Variants in MUC4 observed in about 807,000 individuals in gnomAD.
MUC4 encodes the protein mucin-4.
In MUC4, 202 loss-of-function variants were observed where a neutral mutation model predicts 257.9. That is an observed-to-expected ratio of 0.78 (90% CI 0.70 to 0.88). MUC4 has a LOEUF of 0.88. Ranked by LOEUF, MUC4 falls within the 40% of genes least tolerant of loss-of-function variation. The pLI is 0.00. For synonymous variants in MUC4, 2,351 were observed against 2,757.1 expected (o/e 0.85, Z 4.62); for missense variants, 5,976 against 6,513.7 (o/e 0.92, Z 2.84).
In MUC4 at chr3:195,782,907, T is replaced by C; in HGVS notation, c.8673A>G (p.Thr2891=). The change falls in exon 2 of 25, where the codon ACA becomes ACG. Residue 2891 remains threonine (T), a synonymous_variant. Coordinates refer to ENST00000463781, the MANE Select transcript of MUC4 (RefSeq NM_018406.7). ...TGAGAGGAAGAGGGGTAGCGTGACC[T>C]GTGGACACTGAGGAAGCGTCGGTGA... ...LPVTDASSVS[T]GHATPLPLTS... 2 of 1,515,184 alleles carry C rather than the reference T, an allele frequency of 1.3e-6. No homozygotes were observed. Among genetic ancestry groups the C allele is most frequent in the Non-Finnish European group, 1.8e-6 (2 of 1,124,312 alleles). The allele number at this position is 1,515,184 out of a possible 1,614,324, so 93.9% of individuals were successfully genotyped here.
chr3:195,800,277 C>CAA (rs796281453), intron 1 of MUC4, among the ~76,000 whole-genome samples: 33 of 141,132 alleles, frequency 2.3e-4, no homozygotes, highest in African/African-American at 8.0e-4. Flanking sequence ...GACTCCATCT[C>CAA]AAAAAAAAAA....
At chr3:195,793,777 T>C (rs1734183069) in intron 1 of MUC4, among the ~76,000 whole-genome samples, 1 of 152,222 alleles carries the variant, frequency 6.6e-6, no homozygotes, top group Non-Finnish European at 1.5e-5. Flanking sequence ...ACTTGAATTA[T>C]AGCATTATCT....
At chr3:195,767,688 C>CAT (rs1195814130) in intron 7 of MUC4, among the ~76,000 whole-genome samples, 13 of 2,314 alleles carry the variant, frequency 5.6e-3, no homozygotes, top group Non-Finnish European at 0.01. Flanking sequence ...CCATCACTGG[C>CAT]CACCCCCCAA....
In MUC4 at chr3:195,780,188, T is replaced by C. The variant is rs76367261; in HGVS notation, c.11392A>G (p.Thr3798Ala). The C allele has an allele frequency of 2.4e-4, 334 of 1,412,766 alleles. 2 individuals are homozygous for C. Among genetic ancestry groups the C allele is most frequent in the East Asian group, 1.6e-3 (60 of 37,754 alleles). The allele number at this position is 1,412,766 out of a possible 1,614,324, so 87.5% of individuals were successfully genotyped here. A position where few individuals can be genotyped will look rare whatever the true frequency, so the allele number is the denominator to read the frequency against. The change falls in exon 2 of 25, where the codon ACT becomes GCT. Residue 3798 changes from threonine to alanine, a missense_variant. Coordinates refer to ENST00000463781, the MANE Select transcript of MUC4 (RefSeq NM_018406.7). The part of the protein sequence containing the change: ...GDTTPLPVTD[T>A]SSASTGQATP... ...GCCTGACCTGTGGATGCTGAGGAAG[T>C]GTCGGTGACAGGAAGAGGGGTGGTG...
In MUC4 at chr3:195,788,790, G is replaced by T. The variant is rs767831766; in HGVS notation, c.2790C>A (p.Asp930Glu). 1 of 1,613,934 alleles carries T rather than the reference G, an allele frequency of 6.2e-7. No homozygotes were observed. Residue 930 changes from aspartate (D) to glutamate (E), a missense_variant, in exon 2 of 25, where the codon GAC (aspartate) becomes GAA (glutamate). Coordinates refer to ENST00000463781, the MANE Select transcript of MUC4 (RefSeq NM_018406.7). ...DTISLASQAT[D>E]TFSTVPPTPP... ...GTGTGGGTGGGACTGTTGAGAAGGT[G>T]TCGGTTGCCTGGGACGCCAGGCTGA...
chr3:195,765,363 G>T lies in MUC4; in HGVS notation c.13705C>A (p.Pro4569Thr), dbSNP rs1262669415. ...TTCCAGCCCCAGCTGGGCCACCGAG[G>T]CTGGCTCTTCAGCCACTGCAGGCAC... is the stretch of plus-strand genomic sequence containing the variant. ...LECLQWLKSQ[P>T]RWPSWGWNQV... The change falls in exon 9 of 25, where the codon CCT becomes ACT. Residue 4569 changes from proline (P) to threonine (T), a missense_variant. By Grantham distance (38) the Pro-to-Thr change is conservative. Around this residue, in one of 44 missense-constraint regions of MUC4, gnomAD observed 996 missense variants for 1,137.3 expected, o/e 0.88. Transcript: ENST00000463781. 3.1e-6 allele frequency: 5 copies of T among 1,613,534 alleles called. No homozygotes were observed. Among genetic ancestry groups the T allele is most frequent in the African/African-American group, 1.3e-5 (1 of 74,928 alleles).
Position 195,786,206 on chromosome 3 carries a change from G to C in MUC4, c.5374C>G (p.Arg1792Gly). ...LSSASTDDTT[R>G]LPVTDVSSAS... ...GAGGAAACGTCGGTGACAGGAAGAC[G>C]GGTGGTGTCATCTGTGGAAGCTGAA... The change falls in exon 2 of 25, where the codon CGT becomes GGT. Residue 1792 changes from arginine to glycine, a missense_variant. This residue lies in a region of MUC4 where 19 missense variants were observed against 31.6 expected (regional missense o/e 0.60). Transcript: ENST00000463781. The C allele has an allele frequency of 6.8e-7, 1 of 1,480,186 alleles. No individual in the cohort carries two copies. The allele number at this position is 1,480,186 out of a possible 1,614,324, so 91.7% of individuals were successfully genotyped here. A position where few individuals can be genotyped will look rare whatever the true frequency, so the allele number is the denominator to read the frequency against.
intron 16 of MUC4, among the ~76,000 whole-genome samples, chr3:195,760,569 G>GTGGA (rs1718628746): frequency 3.5e-5 from 1 of 28,934 alleles, no homozygotes; most frequent in African/African-American, 8.4e-5. Flanking sequence ...ATGGAGTGGA[G>GTGGA]GGGGCTGGGA....
In MUC4 at chr3:195,776,486, GCATCCATACCTTCCA is replaced by G. The variant is rs1560286746; in HGVS notation, c.12943+1802_12943+1816del. Among the ~76,000 whole-genome samples the G allele has an allele frequency of 2.0e-3, 14 of 7,030 alleles. 1 individual carries two copies. The highest frequency in any genetic ancestry group is 2.5e-3 in the Non-Finnish European group (11 of 4,480). 4.6% of individuals were successfully genotyped at this position (7,030 alleles called of 152,430 possible). ...CATACCTTCCACACCCATACCTTCC[GCATCCATACCTTCCA>G]CACCCATACCTTCCACACCCATACC... On this transcript the variant is annotated intron_variant, in intron 3 of 24. Coordinates refer to ENST00000463781, the MANE Select transcript of MUC4 (RefSeq NM_018406.7).
Position 195,747,284 on chromosome 3 carries a change from C to G in MUC4, c.16131G>C (p.Leu5377=). 1 of 1,614,234 alleles carries G rather than the reference C, an allele frequency of 6.2e-7. No homozygotes were observed. The highest frequency in any genetic ancestry group is 8.5e-7 in the Non-Finnish European group (1 of 1,180,020). ...DAFFGIFFGA[L]GGLLLLGVGT... Reference sequence around the variant, plus strand: ...CGACCCCCAGCAGCAAGAGGCCGCCCAGGGCCCCAAAGAAGATGCCGAAGA... The same window carrying G: ...CGACCCCCAGCAGCAAGAGGCCGCCGAGGGCCCCAAAGAAGATGCCGAAGA... The change falls in exon 25 of 25, where the codon CTG becomes CTC. Residue 5377 remains leucine (L), a synonymous_variant. Coordinates refer to ENST00000463781, the MANE Select transcript of MUC4 (RefSeq NM_018406.7).
chr3:195,753,325 C>G, intron 19 of MUC4, 95 bp from the exon 20 acceptor site: 1 of 1,315,534 alleles, frequency 7.6e-7, no homozygotes, highest in Non-Finnish European at 1.1e-6. Flanking sequence ...CTTGCTTTCC[C>G]CCAGTGTTCC....
chr3:195,761,716 C>CA, intron 14 of MUC4, 131 bp from the exon 15 acceptor site: 1 of 707,050 alleles, frequency 1.4e-6, no homozygotes, highest in Non-Finnish European at 2.4e-6. Context: ...GTCAGGCCTC[C>CA]AGGGGAGCCG....
In MUC4 at chr3:195,779,306, C is replaced by T. The variant is rs1447818586; in HGVS notation, c.12274G>A (p.Gly4092Ser). 1.7e-4 allele frequency: 202 copies of T among 1,159,608 alleles called. 50 individuals carry two copies. The highest frequency in any genetic ancestry group is 6.1e-4 in the South Asian group (44 of 71,888). The allele number at this position is 1,159,608 out of a possible 1,614,324, so 71.8% of individuals were successfully genotyped here. Residue 4092 changes from glycine to serine, a missense_variant, in exon 2 of 25, where the codon GGT (glycine) becomes AGT (serine). Gly to Ser is a moderately conservative substitution (Grantham distance 56). Coordinates refer to ENST00000463781, the MANE Select transcript of MUC4 (RefSeq NM_018406.7). ...GTGAGAGGAAGAGGGGTGGCGTGAC[C>T]GGTGGATGCTGAGGAAGCATCGGTG... ...PVTDASSASTGHATPLPLTSL... is the reference protein window; with the variant it reads ...PVTDASSASTSHATPLPLTSL...
chr3:195,759,474 C>A (rs1332618400), intron 16 of MUC4, among the ~76,000 whole-genome samples: 1 of 152,010 alleles, frequency 6.6e-6, no homozygotes, highest in Non-Finnish European at 1.5e-5. Flanking sequence ...CTCTTTCTCT[C>A]CCCCCACCTC....
chr3:195,766,772 T>A, intron 7 of MUC4, 21 bp from the exon 8 acceptor site: 1 of 1,609,958 alleles, frequency 6.2e-7, no homozygotes, highest in African/African-American at 1.3e-5. Context: ...GGAGAGACTC[T>A]CAGGCCTCTG....
intron 1 of MUC4, among the ~76,000 whole-genome samples, chr3:195,793,508 AAAAT>A (rs1356673599): frequency 1.4e-5 from 2 of 139,134 alleles, no homozygotes; most frequent in African/African-American, 2.8e-5. Flanking sequence ...TCTCAAAAAA[AAAAT>A]AAATAAATAA....
In MUC4 at chr3:195,789,605, T is replaced by C. The variant is rs1250221663; in HGVS notation, c.1975A>G (p.Thr659Ala). The change falls in exon 2 of 25, where the codon ACT becomes GCT. Residue 659 changes from threonine (T) to alanine (A), a missense_variant. Transcript: ENST00000463781. ...SQTTRSVSPM[T>A]DTKTVTTPGS... ...GGGGTGGTGACTGTCTTGGTGTCAGTCATGGGGGAGACGGACCTCGTGGTT... is the reference window on the plus strand; with the variant it reads ...GGGGTGGTGACTGTCTTGGTGTCAGCCATGGGGGAGACGGACCTCGTGGTT... The C allele has an allele frequency of 6.2e-7, 1 of 1,613,898 alleles. No homozygotes were observed. Among genetic ancestry groups the C allele is most frequent in the East Asian group, 2.2e-5 (1 of 44,878 alleles).
rs1186058708 is a variant in MUC4 at position 195,780,988 on chromosome 3, G to A, written c.10592C>T (p.Thr3531Ile). ...LPVTDTSSVS[T>I]GHATPLPVTS... ...GACAGGAAGAGGCGTGGCGTGACCG[G>A]TGGATACTGAGGAAGTGTCGGTGAC... The change falls in exon 2 of 25, where the codon ACC becomes ATC. Residue 3531 changes from threonine (T) to isoleucine (I), a missense_variant. Thr to Ile is a moderately conservative substitution (Grantham distance 89). Around this residue, in one of 44 missense-constraint regions of MUC4, gnomAD observed 297 missense variants for 240.9 expected, o/e 1.23. Coordinates refer to ENST00000463781, the MANE Select transcript of MUC4 (RefSeq NM_018406.7). The A allele has an allele frequency of 2.0e-6, 3 of 1,515,490 alleles. No individual in the cohort carries two copies. The African/African-American group carries it at 4.5e-5, about 23-fold the overall frequency. The allele number at this position is 1,515,490 out of a possible 1,614,324, so 93.9% of individuals were successfully genotyped here.
rs75221587 is a variant in MUC4, at chr3:195,782,605, A to G, written c.8975T>C (p.Leu2992Pro). 18,368 of 867,506 alleles carry G rather than the reference A, an allele frequency of 0.021. 596 individuals carry two copies. The highest frequency in any genetic ancestry group is 0.12 in the African/African-American group (2,230 of 18,904). The allele number at this position is 867,506 out of a possible 1,614,324, so 53.7% of individuals were successfully genotyped here. A position where few individuals can be genotyped will look rare whatever the true frequency, so the allele number is the denominator to read the frequency against. ...TGAGGAAGTGTCGGTGACAGGAAGA[A>G]GGGTGGCGTGACCTGTGGATGCTGA... ...TSSASTGHAT[L>P]LPVTDTSSAS... Residue 2992 changes from leucine (L) to proline (P), a missense_variant, in exon 2 of 25, where the codon CTT becomes CCT. By Grantham distance (98) the Leu-to-Pro change is moderately conservative (BLOSUM62 -3). Coordinates refer to ENST00000463781, the MANE Select transcript of MUC4 (RefSeq NM_018406.7).
Sources: gnomAD v4.1 joint callset for allele counts (sites outside exome capture counted in the v4.1 genomes callset) on GRCh38, gnomAD v4.1.1 for gene constraint, gnomAD v4.1.1 regional missense constraint, MANE v1.5 for transcripts, NCBI Gene and HGNC (gene_info 2026-07-23, HGNC 2026-07-21) for gene names.